Variants in CSMD1 observed in about 807,000 individuals in gnomAD.
The protein encoded by CSMD1 is CUB and Sushi multiple domains 1.
Under a neutral mutation model 417.5 loss-of-function variants are expected in CSMD1, and 213 were observed. The observed-to-expected ratio is 0.51, with a 90% CI of 0.46 to 0.57. The LOEUF (loss-of-function observed/expected upper bound fraction) is 0.57, where lower values mean the gene tolerates loss of function less well. CSMD1 is among the 20% of genes least tolerant of loss of function. CSMD1 has a pLI of 0.00. For missense variants in CSMD1, 6,923 were observed against 4,529.7 expected (o/e 1.53, Z -15.17); for synonymous variants, 2,862 against 1,736.8 (o/e 1.65, Z -16.11).
At chr8:4,506,156 A>G (rs1802516413) in intron 2 of CSMD1, among the ~76,000 whole-genome samples, 1 of 152,198 alleles carries the variant, frequency 6.6e-6, no homozygotes. Flanking sequence ...GATTGGTGCA[A>G]AAGTAATTGC....
chr8:4,162,451 T>C (rs1282242492), intron 3 of CSMD1, among the ~76,000 whole-genome samples: 2 of 152,304 alleles, frequency 1.3e-5, no homozygotes, highest in South Asian at 2.1e-4. Context: ...TAGAGGTGAA[T>C]TCAAGACTTA....
chr8:4,016,783 T>A (rs1177684532), intron 4 of CSMD1, among the ~76,000 whole-genome samples: 1 of 152,226 alleles, frequency 6.6e-6, no homozygotes, highest in Non-Finnish European at 1.5e-5. Flanking sequence ...ATGTGTATAG[T>A]TGGGTTTTTT....
chr8:4,122,415 GAAC>G (rs368139822), intron 3 of CSMD1, among the ~76,000 whole-genome samples: 2 of 152,138 alleles, frequency 1.3e-5, no homozygotes, highest in South Asian at 2.1e-4. Flanking sequence ...CATTAAATAT[GAAC>G]AACAAACCTC....
At chr8:4,663,997 G>A (rs1293102350) in intron 1 of CSMD1, among the ~76,000 whole-genome samples, 2 of 152,088 alleles carry the variant, frequency 1.3e-5, no homozygotes, top group African/African-American at 2.4e-5. Context: ...TTTCTGGTTC[G>A]GGCAAGAGAT....
At chr8:3,818,213 G>T (rs527747356) in intron 5 of CSMD1, among the ~76,000 whole-genome samples, 6 of 151,952 alleles carry the variant, frequency 3.9e-5, no homozygotes, top group African/African-American at 1.2e-4. Context: ...CCATGAAAAC[G>T]CAGAGCCCAC....
intron 3 of CSMD1, among the ~76,000 whole-genome samples, chr8:4,416,323 G>T (rs1471718268): frequency 6.6e-6 from 1 of 151,902 alleles, no homozygotes; most frequent in African/African-American, 2.4e-5. Context: ...CTTATAAAAT[G>T]AACTAAAAAG....
At chr8:2,940,466 C>G (rs1490444721) in intron 69 of CSMD1, among the ~76,000 whole-genome samples, 4 of 152,140 alleles carry the variant, frequency 2.6e-5, no homozygotes, top group Admixed American at 1.3e-4. Context: ...AGATTCCCCA[C>G]CGACCCAGAG....
intron 20 of CSMD1, among the ~76,000 whole-genome samples, chr8:3,362,664 T>C (rs143060428): frequency 3.9e-5 from 6 of 152,308 alleles, no homozygotes; most frequent in African/African-American, 7.2e-5. Context: ...CATCCCTCAA[T>C]ATCCCCAGGA....
At chr8:4,716,559 C>A (rs901969424) in intron 1 of CSMD1, among the ~76,000 whole-genome samples, 4 of 152,122 alleles carry the variant, frequency 2.6e-5, no homozygotes, top group Non-Finnish European at 5.9e-5. Flanking sequence ...AAATTTTAGG[C>A]ACAGATGTTA....
chr8:4,575,191 C>G lies in CSMD1; in HGVS notation c.302+62151G>C, dbSNP rs1243589119. 3.3e-5 allele frequency among the ~76,000 whole-genome samples: 5 copies of G among 152,306 alleles called. No individual in the cohort carries two copies. In the South Asian group the frequency reaches 6.2e-4, roughly 19 times the overall value. ...CAAGAACTGTATCTTATCACTTGACCTCTTCCAAGGTTACTATAATTCTCC... is the reference window on the plus strand; with the variant it reads ...CAAGAACTGTATCTTATCACTTGACGTCTTCCAAGGTTACTATAATTCTCC... On this transcript the variant is annotated intron_variant, in intron 2 of 69. Transcript: ENST00000635120.
At position 4,591,920 on chromosome 8, in the gene CSMD1, A is replaced by G. The variant is rs1474797838; in HGVS notation, c.302+45422T>C. On this transcript the variant is annotated intron_variant, in intron 2 of 69. Coordinates refer to ENST00000635120, the MANE Select transcript of CSMD1 (RefSeq NM_033225.6). ...TTGGGCAGACATTCTGAGGGACTTC[A>G]GGAGATCGGAGGAAAGGCAGCTGCT... Among the ~76,000 whole-genome samples, 5 of 152,102 alleles carry G rather than the reference A, an allele frequency of 3.3e-5. No individual in the cohort carries two copies. The East Asian group carries it at 9.7e-4, about 29-fold the overall frequency.
At chr8:4,602,550 C>A (rs1800646726) in intron 2 of CSMD1, among the ~76,000 whole-genome samples, 1 of 152,136 alleles carries the variant, frequency 6.6e-6, no homozygotes, top group African/African-American at 2.4e-5. Context: ...TCATTATAGT[C>A]ATTGAGACAA....
At chr8:3,197,066 T>G (rs1328687056) in intron 33 of CSMD1, among the ~76,000 whole-genome samples, 1 of 152,174 alleles carries the variant, frequency 6.6e-6, no homozygotes, top group African/African-American at 2.4e-5. Context: ...ACCCAGCAAT[T>G]GCATAGAGTA....
At chr8:4,783,038 T>G (rs1228205498) in intron 1 of CSMD1, among the ~76,000 whole-genome samples, 1 of 151,916 alleles carries the variant, frequency 6.6e-6, no homozygotes, top group African/African-American at 2.4e-5. Context: ...TAGCATTAAC[T>G]CTATAAACAC....
rs560124828 is a variant in CSMD1 at position 4,088,856 on chromosome 8, C to G, written c.416-56757G>C. Among the ~76,000 whole-genome samples the G allele has an allele frequency of 1.6e-4, 24 of 152,264 alleles. 2 individuals are homozygous for G. The South Asian group carries it at 4.8e-3, about 30-fold the overall frequency. On this transcript the variant is annotated intron_variant, in intron 3 of 69. Coordinates refer to ENST00000635120, the MANE Select transcript of CSMD1 (RefSeq NM_033225.6). ...TCTGGAATCACTAGTCTCCTGGTTT[C>G]CATGACACCGCTGTGTTCCACCCGC...
At chr8:3,562,379 C>G (rs1169545799) in intron 10 of CSMD1, among the ~76,000 whole-genome samples, 4 of 152,030 alleles carry the variant, frequency 2.6e-5, no homozygotes, top group African/African-American at 7.2e-5. Flanking sequence ...CACATGCACA[C>G]ACACACACGT....
intron 14 of CSMD1, among the ~76,000 whole-genome samples, chr8:3,407,476 G>A (rs1487767218): frequency 5.9e-5 from 9 of 151,922 alleles, no homozygotes; most frequent in Admixed American, 5.9e-4. Flanking sequence ...AGGATGGATA[G>A]ATGCATGGAT....
At chr8:4,029,003 T>C (rs542936546) in intron 4 of CSMD1, among the ~76,000 whole-genome samples, 15 of 152,340 alleles carry the variant, frequency 9.8e-5, no homozygotes, top group East Asian at 9.6e-4. Context: ...CTCTGAAATA[T>C]GACAACGGCA....
intron 17 of CSMD1, among the ~76,000 whole-genome samples, chr8:3,395,456 T>A (rs7844978): frequency 6.6e-6 from 1 of 151,932 alleles, no homozygotes; most frequent in Non-Finnish European, 1.5e-5. Context: ...TTCAGAAGTA[T>A]ATTTGCATAA....
Sources: allele counts gnomAD v4.1 joint callset (sites outside exome capture counted in the v4.1 genomes callset), GRCh38; gene constraint gnomAD v4.1.1; transcripts MANE v1.5; gene names NCBI Gene and HGNC (gene_info 2026-07-23, HGNC 2026-07-21).